GRIK4: variants seen among roughly 807,000 people sequenced by gnomAD.
The protein encoded by GRIK4 is glutamate receptor ionotropic, kainate 4.
GRIK4 carries 40 observed loss-of-function variants against 104.9 expected under a neutral mutation model. The observed-to-expected ratio is 0.38, with a 90% confidence interval of 0.30 to 0.50. GRIK4 has a LOEUF of 0.50. Among genes scored for constraint, GRIK4 ranks in the 20% least tolerant of loss-of-function variants. The pLI is 0.93. For missense variants in GRIK4, 1,047 were observed against 1,308.1 expected, an observed-to-expected ratio of 0.80 and a Z score of 3.08; for synonymous variants, 485 against 524.9, an observed-to-expected ratio of 0.92 and a Z score of 1.04.
intron 3 of GRIK4, among the ~76,000 whole-genome samples, chr11:120,719,370 G>A (rs1305908171): frequency 6.6e-6 from 1 of 152,216 alleles, no homozygotes. Context: ...CTTCCTTCCA[G>A]AGATAACCTG....
intron 3 of GRIK4, among the ~76,000 whole-genome samples, chr11:120,767,688 A>G (rs1029337761): frequency 2.0e-5 from 3 of 152,130 alleles, no homozygotes; most frequent in African/African-American, 7.2e-5. Flanking sequence ...CAGGTCTTAC[A>G]TTTATGTCTT....
chr11:120,757,117 T>C (rs907710140), intron 3 of GRIK4, among the ~76,000 whole-genome samples: 16 of 152,184 alleles, frequency 1.1e-4, no homozygotes, highest in African/African-American at 2.9e-4. Context: ...CTCCCAGAGT[T>C]GGCCTGAGAG....
At chr11:120,716,962 G>C (rs924560593) in intron 3 of GRIK4, among the ~76,000 whole-genome samples, 2 of 152,194 alleles carry the variant, frequency 1.3e-5, no homozygotes, top group African/African-American at 4.8e-5. Flanking sequence ...AGCTCAGATG[G>C]TTAGAGAGGG....
chr11:120,899,606 G>T (rs1015123417), intron 12 of GRIK4, among the ~76,000 whole-genome samples: 9 of 152,140 alleles, frequency 5.9e-5, no homozygotes, highest in Non-Finnish European at 1.0e-4. Flanking sequence ...TCCTGAGGTT[G>T]TAAGTTAGTA....
At chr11:120,887,791 G>A (rs1469175996) in intron 11 of GRIK4, among the ~76,000 whole-genome samples, 2 of 152,328 alleles carry the variant, frequency 1.3e-5, no homozygotes, top group East Asian at 1.9e-4. Context: ...GATTACAAAC[G>A]TGATGAGTGC....
At chr11:120,785,069 G>A (rs571480219) in intron 3 of GRIK4, among the ~76,000 whole-genome samples, 12 of 152,184 alleles carry the variant, frequency 7.9e-5, no homozygotes, top group African/African-American at 1.4e-4. Context: ...CATCACTCCC[G>A]TCCCTTCTGC....
intron 9 of GRIK4, among the ~76,000 whole-genome samples, chr11:120,867,033 G>A (rs1354130977): frequency 1.3e-5 from 2 of 152,078 alleles, no homozygotes; most frequent in African/African-American, 2.4e-5. Context: ...CACATCAAGG[G>A]TCCTCTGAGG....
chr11:120,694,870 G>A (rs577569626), intron 3 of GRIK4, among the ~76,000 whole-genome samples: 85 of 152,264 alleles, frequency 5.6e-4, no homozygotes, highest in Non-Finnish European at 1.1e-3. Context: ...AGCAACACAG[G>A]TCATAAAACA....
chr11:120,823,621 C>G (rs1953179652), intron 6 of GRIK4, among the ~76,000 whole-genome samples: 1 of 152,180 alleles, frequency 6.6e-6, no homozygotes, highest in South Asian at 2.1e-4. Flanking sequence ...ATGGTCTGCA[C>G]AAACAGCCCT....
intron 8 of GRIK4, among the ~76,000 whole-genome samples, chr11:120,843,478 A>C (rs985496814): frequency 6.6e-6 from 1 of 152,274 alleles, no homozygotes; most frequent in Non-Finnish European, 1.5e-5. Context: ...CTATGGCTTC[A>C]AGTTCCAGTC....
chr11:120,646,584 C>A (rs1949545973), intron 1 of GRIK4, among the ~76,000 whole-genome samples: 1 of 152,124 alleles, frequency 6.6e-6, no homozygotes, highest in South Asian at 2.1e-4. Flanking sequence ...ATTAAAACAT[C>A]CTCTGTAGGT....
chr11:120,727,639 C>T (rs1333761953), intron 3 of GRIK4, among the ~76,000 whole-genome samples: 2 of 151,936 alleles, frequency 1.3e-5, no homozygotes, highest in Non-Finnish European at 2.9e-5. Flanking sequence ...AAACCTATGG[C>T]ACACTGTTTC....
intron 8 of GRIK4, among the ~76,000 whole-genome samples, chr11:120,841,019 C>A (rs1272215839): frequency 6.6e-6 from 1 of 152,194 alleles, no homozygotes; most frequent in South Asian, 2.1e-4. Context: ...TTATTTCACT[C>A]AGCATAATGT....
intron 19 of GRIK4, among the ~76,000 whole-genome samples, chr11:120,969,691 A>C (rs768005826): frequency 5.7e-4 from 86 of 152,186 alleles, no homozygotes; most frequent in Admixed American, 1.2e-3. Flanking sequence ...GGATGGCAGG[A>C]AAGAGCGCCG....
intron 8 of GRIK4, among the ~76,000 whole-genome samples, chr11:120,851,407 C>G: frequency 6.6e-6 from 1 of 152,194 alleles, no homozygotes; most frequent in Non-Finnish European, 1.5e-5. Context: ...TCTCAACTTG[C>G]AGTCAGCTCT....
intron 12 of GRIK4, among the ~76,000 whole-genome samples, chr11:120,901,338 TGCCCCTC>T (rs1942733298): frequency 3.9e-5 from 5 of 128,590 alleles, no homozygotes; most frequent in African/African-American, 1.2e-4. Flanking sequence ...CGCTGCATCC[TGCCCCTC>T]CCTGCCTTGG....
chr11:120,522,532 G>A (rs1947808204), intron 1 of GRIK4, among the ~76,000 whole-genome samples: 1 of 152,016 alleles, frequency 6.6e-6, no homozygotes, highest in Admixed American at 6.5e-5. Flanking sequence ...TGTTGGCCAG[G>A]CTGGTCTCGA....
intron 11 of GRIK4, among the ~76,000 whole-genome samples, chr11:120,886,095 G>T (rs1162183540): frequency 1.3e-5 from 2 of 152,180 alleles, no homozygotes; most frequent in Non-Finnish European, 2.9e-5. Flanking sequence ...TTCCATGTTT[G>T]CAAATTCAAC....
At chr11:120,600,824 A>T (rs1382588491) in intron 1 of GRIK4, among the ~76,000 whole-genome samples, 2 of 152,206 alleles carry the variant, frequency 1.3e-5, no homozygotes, top group Non-Finnish European at 2.9e-5. Flanking sequence ...GCACTTTGGG[A>T]GGCTGAGGCA....
Sources: allele counts gnomAD v4.1 joint callset (sites outside exome capture counted in the v4.1 genomes callset), GRCh38; gene constraint gnomAD v4.1.1; transcripts MANE v1.5; gene names NCBI Gene and HGNC (gene_info 2026-07-23, HGNC 2026-07-21).